The following PAN3 variants were observed in gnomAD, a reference collection of about 807,000 sequenced individuals.
PAN3 encodes the protein poly(A) specific ribonuclease subunit PAN3.
PAN3 carries 19 observed loss-of-function variants against 96.2 expected under a neutral mutation model. The observed-to-expected ratio is 0.20, with a 90% CI of 0.14 to 0.29. PAN3 has a LOEUF of 0.29. PAN3 is among the 10% of genes least tolerant of loss of function. The probability of loss-of-function intolerance (pLI) is 1.00; values close to 1 mark genes in which losing one functional copy is unlikely to be tolerated. For synonymous variants in PAN3, 433 were observed against 406.6 expected, an observed-to-expected ratio of 1.06 and a Z score of -0.78; for missense variants, 882 against 1,108.1, an observed-to-expected ratio of 0.80 and a Z score of 2.90.
rs567042947 is a variant in PAN3 at position 28,288,665 on chromosome 13, C to T, written c.2523+543C>T. Among the ~76,000 whole-genome samples the T allele has an allele frequency of 2.0e-5, 3 of 152,218 alleles. No individual in the cohort carries two copies. In the East Asian group the frequency reaches 5.8e-4, roughly 29 times the overall value. ...AAAGTATCACAAAATGACTGCTTCC[C>T]TCCTTTATGCAATGTTTTATTTACA... On this transcript the variant is annotated intron_variant, in intron 18 of 18. Transcript: ENST00000380958.
At chr13:28,155,301 C>A (rs989480573) in intron 1 of PAN3, among the ~76,000 whole-genome samples, 8 of 151,938 alleles carry the variant, frequency 5.3e-5, no homozygotes, top group African/African-American at 1.9e-4. Flanking sequence ...TTGGGGAATA[C>A]AAAGACATAT....
intron 4 of PAN3, among the ~76,000 whole-genome samples, chr13:28,180,905 A>G (rs751736592): frequency 4.6e-5 from 7 of 152,154 alleles, no homozygotes; most frequent in Non-Finnish European, 7.4e-5. Context: ...ACATGAACCT[A>G]CAAGGGAACA....
At chr13:28,263,871 C>T (rs1203092045) in intron 9 of PAN3, among the ~76,000 whole-genome samples, 4 of 152,222 alleles carry the variant, frequency 2.6e-5, no homozygotes, top group African/African-American at 9.6e-5. Context: ...GTCACGTTCT[C>T]TTTCAAATAT....
chr13:28,239,193 G>GCACA (rs1337990289), intron 6 of PAN3, among the ~76,000 whole-genome samples: 1 of 71,644 alleles, frequency 1.4e-5, no homozygotes, highest in African/African-American at 6.3e-5. Flanking sequence ...ACACACGCAT[G>GCACA]CACACACGCA....
chr13:28,149,951 C>T (rs1238104505), intron 1 of PAN3, among the ~76,000 whole-genome samples: 1 of 152,124 alleles, frequency 6.6e-6, no homozygotes, highest in Non-Finnish European at 1.5e-5. Context: ...TCTTACGCTG[C>T]TTTTAGAGAT....
At chr13:28,203,427 C>T (rs967373255) in intron 5 of PAN3, among the ~76,000 whole-genome samples, 2 of 152,156 alleles carry the variant, frequency 1.3e-5, no homozygotes, top group Non-Finnish European at 2.9e-5. Context: ...CTTTAGCCTC[C>T]CAAGTAGCTG....
At chr13:28,205,228 C>G in intron 5 of PAN3, among the ~76,000 whole-genome samples, 1 of 152,040 alleles carries the variant, frequency 6.6e-6, no homozygotes, top group East Asian at 1.9e-4. Flanking sequence ...GCTTTTGATG[C>G]AATGGATTGG....
intron 4 of PAN3, among the ~76,000 whole-genome samples, chr13:28,194,464 A>ATTTTT (rs1297200533): frequency 1.7e-4 from 18 of 106,698 alleles, no homozygotes; most frequent in African/African-American, 5.6e-4. Context: ...ATATATATAT[A>ATTTTT]TATTTTTTTT....
At chr13:28,277,088 C>G in intron 14 of PAN3, 149 bp from the exon 15 acceptor site, 3 of 764,188 alleles carry the variant, frequency 3.9e-6, no homozygotes, top group Non-Finnish European at 6.1e-6. Flanking sequence ...TTAATAAGCT[C>G]CAGGTTATTC....
chr13:28,214,785 G>T, intron 5 of PAN3: 1 of 593,260 alleles, frequency 1.7e-6, no homozygotes, highest in South Asian at 1.7e-5. Context: ...ACTTAGCATT[G>T]ATGCCCCAGG....
chr13:28,224,534 C>T, intron 6 of PAN3, among the ~76,000 whole-genome samples: 1 of 152,100 alleles, frequency 6.6e-6, no homozygotes, highest in East Asian at 1.9e-4. Context: ...AAATGAGTCA[C>T]AGTGATTTTC....
intron 14 of PAN3, among the ~76,000 whole-genome samples, chr13:28,273,356 C>G (rs763025412): frequency 5.9e-5 from 9 of 152,148 alleles, no homozygotes; most frequent in Non-Finnish European, 1.0e-4. Context: ...AATCCCAGCA[C>G]TTTGAGAGGC....
At chr13:28,217,250 TCA>T (rs1359598057) in intron 5 of PAN3, among the ~76,000 whole-genome samples, 1 of 151,812 alleles carries the variant, frequency 6.6e-6, no homozygotes, top group Non-Finnish European at 1.5e-5. Flanking sequence ...TTTGGAGAAC[TCA>T]CTATATAAGA....
intron 7 of PAN3, among the ~76,000 whole-genome samples, chr13:28,257,664 A>G (rs1020800169): frequency 3.8e-5 from 5 of 130,158 alleles, no homozygotes; most frequent in Non-Finnish European, 8.5e-5. Flanking sequence ...TATATTTTAT[A>G]TATATGTAAA....
chr13:28,249,308 TG>T (rs1884492546), intron 6 of PAN3, among the ~76,000 whole-genome samples: 1 of 152,254 alleles, frequency 6.6e-6, no homozygotes, highest in South Asian at 2.1e-4. Flanking sequence ...AAGTAATTTT[TG>T]TATATGGTAT....
chr13:28,280,620 G>GGC, intron 16 of PAN3, 79 bp downstream of exon 16: 2 of 1,292,588 alleles, frequency 1.5e-6, no homozygotes, highest in Non-Finnish European at 2.1e-6. Context: ...GGAGTGCAGT[G>GGC]GTGCTATCTC....
At chr13:28,230,458 G>C (rs919093387) in intron 6 of PAN3, among the ~76,000 whole-genome samples, 3 of 151,504 alleles carry the variant, frequency 2.0e-5, no homozygotes, top group African/African-American at 7.3e-5. Context: ...CTAGTAATCA[G>C]ATATCTTTTA....
At chr13:28,144,409 G>A (rs1428115578) in intron 1 of PAN3, among the ~76,000 whole-genome samples, 1 of 151,656 alleles carries the variant, frequency 6.6e-6, no homozygotes, top group African/African-American at 2.4e-5. Context: ...TAGAGACGGG[G>A]TTTCACCGTG....
At chr13:28,155,198 C>T (rs776059967) in intron 1 of PAN3, among the ~76,000 whole-genome samples, 5 of 152,126 alleles carry the variant, frequency 3.3e-5, no homozygotes, top group South Asian at 2.1e-4. Flanking sequence ...TACTAAATGA[C>T]GTAGTATATG....
Sources: allele counts gnomAD v4.1 joint callset (sites outside exome capture counted in the v4.1 genomes callset), GRCh38; gene constraint gnomAD v4.1.1; transcripts MANE v1.5; gene names NCBI Gene and HGNC (gene_info 2026-07-23, HGNC 2026-07-21).